The following KRTCAP3 variants were observed in gnomAD, a reference collection of about 807,000 sequenced individuals.
The protein encoded by KRTCAP3 is keratinocyte associated protein 3, also known as keratinocyte-associated protein 3.
Under a neutral mutation model 20.5 loss-of-function variants are expected in KRTCAP3, and 18 were observed. The observed-to-expected ratio is 0.88, with a 90% confidence interval of 0.61 to 1.31. The LOEUF (loss-of-function observed/expected upper bound fraction) is 1.31, where lower values mean the gene tolerates loss of function less well. Among genes scored for constraint, KRTCAP3 ranks in the 50% most tolerant of loss-of-function variants. The probability of loss-of-function intolerance (pLI) is 0.00; values close to 1 mark genes in which losing one functional copy is unlikely to be tolerated. For missense variants in KRTCAP3, 347 were observed against 310.4 expected, an observed-to-expected ratio of 1.12 and a Z score of -0.89; for synonymous variants, 167 against 133.7, an observed-to-expected ratio of 1.25 and a Z score of -1.72.
chr2:27,445,566 C>T (rs1363388649), downstream of KRTCAP3: 19 of 1,335,050 alleles, frequency 1.4e-5, no homozygotes, highest in African/African-American at 1.5e-5. This position sits in a 1 kb window ranked among gnomAD's most constrained non-coding sequence, Gnocchi z 4.4. Context: ...CTTTTAGCCA[C>T]GAATCCTCCT....
chr2:27,442,863 G>A lies in KRTCAP3; in HGVS notation c.235G>A (p.Ala79Thr). 1.9e-6 allele frequency: 3 copies of A among 1,612,298 alleles called. No individual in the cohort carries two copies. Among genetic ancestry groups the A allele is most frequent in the Non-Finnish European group, 2.5e-6 (3 of 1,180,020 alleles). The stretch of plus-strand genomic sequence containing the variant: ...ACAGAGCGTTTCCGTGGGACTTGTG[G>A]CCCTCCTGGCGTCCAGGAACCTTCT... ...GLLSVSVGLV[A>T]LLASRNLLRP... is the part of the protein sequence containing the mutation. The change falls in exon 3 of 7, where the codon GCC becomes ACC. Residue 79 changes from alanine to threonine, a missense_variant. Transcript: ENST00000288873.
At position 27,443,142 on chromosome 2, in the gene KRTCAP3, T is replaced by C. The variant is rs780113; in HGVS notation, c.342T>C (p.Leu114=). ...LLSVACSLGL[L]LAVSLTVANG... is the part of the protein sequence containing the mutation. The stretch of plus-strand genomic sequence containing the variant: ...CCGTTGCCTGCTCCCTGGGCCTCCT[T>C]CTTGCTGTGTCACTCACTGTGGCCA... Residue 114 remains leucine (L), a synonymous_variant, in exon 4 of 7, where the codon CTT becomes CTC. Coordinates refer to ENST00000288873, the MANE Select transcript of KRTCAP3 (RefSeq NM_173853.4). The C allele has an allele frequency of 1.0e-3, 1,633 of 1,613,694 alleles. 11 individuals are homozygous for C. The African/African-American group carries it at 0.019, about 19-fold the overall frequency.
downstream of KRTCAP3, chr2:27,445,264 C>A: frequency 2.5e-6 from 4 of 1,596,830 alleles, no homozygotes; most frequent in Non-Finnish European, 3.4e-6. The surrounding 1 kb of genome is among the most constrained non-coding windows in gnomAD (Gnocchi z 4.4). Flanking sequence ...TTCTACCCAC[C>A]ACAGGATCTG....
Position 27,442,736 on chromosome 2 carries a change from T to C in KRTCAP3, c.186T>C (p.Asn62=), listed in dbSNP as rs1431182811. ...TCACGCCGGAGTACACCGTAGCCAA[T>C]GTCATCTCTGTCGGCTCGGGGCTGC... ...GAVTPEYTVA[N]VISVGSGLLS... is the part of the protein sequence containing the mutation. The change falls in exon 2 of 7, where the codon AAT becomes AAC. Residue 62 remains asparagine, a synonymous_variant. Transcript: ENST00000288873. The C allele has an allele frequency of 2.5e-6, 4 of 1,607,136 alleles. No homozygotes were observed. In the Admixed American group the frequency reaches 6.8e-5, roughly 27 times the overall value.
At chr2:27,442,558 G>C (rs756870946) in intron 1 of KRTCAP3, 21 bp from the exon 2 acceptor site, 9 of 1,531,430 alleles carry the variant, frequency 5.9e-6, no homozygotes, top group Non-Finnish European at 7.9e-6. Flanking sequence ...ACTCAACCCT[G>C]CCCTCCCCCG....
intron 1 of KRTCAP3, 32 bp downstream of exon 1, chr2:27,442,472 T>C (rs773411191): frequency 3.3e-5 from 52 of 1,561,122 alleles, no homozygotes; most frequent in East Asian, 2.4e-5. Context: ...CTCGTCTCCT[T>C]ACCCTGGGGC....
chr2:27,443,986 AAAG>A lies in KRTCAP3; in HGVS notation c.654_656del (p.Arg219del). 6.2e-7 allele frequency: 1 copy of A among 1,613,680 alleles called. No individual in the cohort carries two copies. The highest frequency in any genetic ancestry group is 8.5e-7 in the Non-Finnish European group (1 of 1,179,558). ...ACAGAGCTTGAATCTCCTAAATGTA[AAAG>A]GCAGGAAAATGAGCAGCTACTGGAT... On this transcript the variant is annotated inframe_deletion, in exon 6 of 7. Coordinates refer to ENST00000288873, the MANE Select transcript of KRTCAP3 (RefSeq NM_173853.4).
At chr2:27,444,146 C>CTTTCCCCTCTGACCTGGGTTGGT (rs1267680596) in intron 6 of KRTCAP3, 40 bp from the exon 7 acceptor site, 8 of 830,116 alleles carry the variant, frequency 9.6e-6, no homozygotes, top group Middle Eastern at 2.3e-4. Flanking sequence ...TGCCATGCTG[C>CTTTCCCCTCTGACCTGGGTTGGT]TTTCCCCTCT....
chr2:27,444,076 A>C lies in KRTCAP3; in HGVS notation c.*5+15A>C. ...GTTTAGGACAGGTAATGGGCCTTGA[A>C]GGTGGTGGCCCGGGTAAGAGCGGGG... On this transcript the variant is annotated intron_variant, in intron 6 of 6. Coordinates refer to ENST00000288873, the MANE Select transcript of KRTCAP3 (RefSeq NM_173853.4). 6.9e-7 allele frequency: 1 copy of C among 1,451,220 alleles called. No homozygotes were observed. The highest frequency in any genetic ancestry group is 9.7e-7 in the Non-Finnish European group (1 of 1,031,780). 89.9% of individuals were successfully genotyped at this position (1,451,220 alleles called of 1,614,324 possible). A position where few individuals can be genotyped will look rare whatever the true frequency, so the allele number is the denominator to read the frequency against.
At chr2:27,445,025 T>C, downstream of KRTCAP3, 1 of 1,613,808 alleles carries the variant, frequency 6.2e-7, no homozygotes, top group Non-Finnish European at 8.5e-7. The surrounding 1 kb of genome is among the most constrained non-coding windows in gnomAD (Gnocchi z 4.4). Flanking sequence ...TTGATGGCCA[T>C]AAGGAATTTA....
At chr2:27,446,178 C>G (rs1572711162), downstream of KRTCAP3, 1 of 1,444,500 alleles carries the variant, frequency 6.9e-7, no homozygotes, top group East Asian at 2.3e-5. Context: ...CTCAGCTTTC[C>G]TCTACCAGAG....
chr2:27,443,807 C>T (rs1446752007), intron 5 of KRTCAP3, 142 bp from the exon 6 acceptor site: 8 of 637,328 alleles, frequency 1.3e-5, no homozygotes, highest in South Asian at 7.7e-5. Context: ...ACCCGGAAGG[C>T]GGAGGTTGCA....
chr2:27,445,729 A>C (rs1558349601), downstream of KRTCAP3: 1 of 1,614,070 alleles, frequency 6.2e-7, no homozygotes, highest in Non-Finnish European at 8.5e-7. The surrounding 1 kb of genome is among the most constrained non-coding windows in gnomAD (Gnocchi z 4.4). Context: ...CCGGTTTTCC[A>C]ACCCTGTGCC....
chr2:27,443,032 G>C (rs766837873), intron 3 of KRTCAP3, 42 bp from the exon 4 acceptor site: 1 of 1,589,758 alleles, frequency 6.3e-7, no homozygotes, highest in South Asian at 1.1e-5. Flanking sequence ...GGGAGAGTTA[G>C]CCAGGCCCAG....
chr2:27,444,443 A>C (rs1258203154), downstream of KRTCAP3: 2 of 1,611,680 alleles, frequency 1.2e-6, no homozygotes, highest in Non-Finnish European at 8.5e-7. Flanking sequence ...TACTGAAAGG[A>C]AAAGCTGGTG....
chr2:27,446,147 C>G, downstream of KRTCAP3: 1 of 1,324,590 alleles, frequency 7.5e-7, no homozygotes, highest in Non-Finnish European at 1.1e-6. Flanking sequence ...GGACTACATC[C>G]TCCGTAACAT....
At chr2:27,444,512 T>G (rs148800421), downstream of KRTCAP3, 50 of 1,613,402 alleles carry the variant, frequency 3.1e-5, no homozygotes, top group Non-Finnish European at 4.2e-5. Flanking sequence ...CACACTGGGC[T>G]GTGGGAGGTC....
intron 2 of KRTCAP3, 35 bp downstream of exon 2, chr2:27,442,798 C>A: frequency 6.2e-7 from 1 of 1,611,450 alleles, no homozygotes; most frequent in Non-Finnish European, 8.5e-7. Context: ...GGGGGCCGGG[C>A]TCCCGGAGAG....
Position 27,442,560 on chromosome 2 carries a change from C to T in KRTCAP3, c.29-19C>T. 2 of 1,533,326 alleles carry T rather than the reference C, an allele frequency of 1.3e-6. No homozygotes were observed. Among genetic ancestry groups the T allele is most frequent in the Non-Finnish European group, 1.8e-6 (2 of 1,138,938 alleles). 95.0% of individuals were successfully genotyped at this position (1,533,326 alleles called of 1,614,324 possible). A position where few individuals can be genotyped will look rare whatever the true frequency, so the allele number is the denominator to read the frequency against. Reference sequence around the variant, plus strand: ...CCCTCCCCGCCCGACTCAACCCTGCCCTCCCCCGTGCTTTGCAGACGCCGC... The same window carrying T: ...CCCTCCCCGCCCGACTCAACCCTGCTCTCCCCCGTGCTTTGCAGACGCCGC... On this transcript the variant is annotated intron_variant, in intron 1 of 6. Coordinates refer to ENST00000288873, the MANE Select transcript of KRTCAP3 (RefSeq NM_173853.4).
Sources: allele counts gnomAD v4.1 joint callset, GRCh38; gene constraint gnomAD v4.1.1; non-coding constraint Gnocchi (gnomAD v3.1); transcripts MANE v1.5; gene names NCBI Gene and HGNC (gene_info 2026-07-23, HGNC 2026-07-21).